The following CDKAL1 variants were observed in gnomAD, a reference collection of about 807,000 sequenced individuals.
The protein encoded by CDKAL1 is CDKAL1 threonylcarbamoyladenosine tRNA methylthiotransferase, also known as threonylcarbamoyladenosine tRNA methylthiotransferase.
CDKAL1 carries 32 observed loss-of-function variants against 68.2 expected under a neutral mutation model. That is an observed-to-expected ratio of 0.47 (90% CI 0.35 to 0.63). The LOEUF (loss-of-function observed/expected upper bound fraction) is 0.63, where lower values mean the gene tolerates loss of function less well. Among genes scored for constraint, CDKAL1 ranks in the 30% least tolerant of loss-of-function variants. The pLI is 0.00. For synonymous variants in CDKAL1, 234 were observed against 244.3 expected, an observed-to-expected ratio of 0.96 and a Z score of 0.39; for missense variants, 606 against 696.7, an observed-to-expected ratio of 0.87 and a Z score of 1.47.
intron 9 of CDKAL1, among the ~76,000 whole-genome samples, chr6:20,917,217 G>A (rs1762760906): frequency 6.6e-6 from 1 of 152,134 alleles, no homozygotes; most frequent in Admixed American, 6.5e-5. Flanking sequence ...CTGACCTCAG[G>A]TGATCCGCCC....
chr6:21,157,567 TA>T (rs1776704457), intron 13 of CDKAL1, among the ~76,000 whole-genome samples: 1 of 152,168 alleles, frequency 6.6e-6, no homozygotes, highest in African/African-American at 2.4e-5. Flanking sequence ...AGTTTTTACT[TA>T]AGTAATATAA....
intron 4 of CDKAL1, among the ~76,000 whole-genome samples, chr6:20,609,506 C>T (rs1446623723): frequency 4.6e-5 from 7 of 151,444 alleles, no homozygotes; most frequent in Non-Finnish European, 1.0e-4. Flanking sequence ...AGTGATTCTC[C>T]TGCCTCAGCC....
chr6:20,769,944 G>C (rs573150006), intron 7 of CDKAL1, among the ~76,000 whole-genome samples: 10 of 152,140 alleles, frequency 6.6e-5, no homozygotes, highest in Admixed American at 2.0e-4. Flanking sequence ...ACGGAAATGA[G>C]AAAGTGAGGC....
intron 4 of CDKAL1, among the ~76,000 whole-genome samples, chr6:20,609,304 C>CTTCTCCTCT (rs1286860342): frequency 8.0e-5 from 12 of 149,672 alleles, no homozygotes; most frequent in Non-Finnish European, 1.5e-4. Context: ...CCTTCTCCTC[C>CTTCTCCTCT]TCCTCCTCCC....
intron 11 of CDKAL1, among the ~76,000 whole-genome samples, chr6:21,030,343 C>T (rs902951302): frequency 1.3e-5 from 2 of 152,002 alleles, no homozygotes; most frequent in Non-Finnish European, 1.5e-5. Flanking sequence ...AGGTAGTGAG[C>T]GGAGGGAGAG....
chr6:21,037,561 A>T (rs190626295), intron 11 of CDKAL1, among the ~76,000 whole-genome samples: 1 of 152,322 alleles, frequency 6.6e-6, no homozygotes, highest in Non-Finnish European at 1.5e-5. Flanking sequence ...TGATGGAAAT[A>T]TTCTATATCT....
intron 15 of CDKAL1, among the ~76,000 whole-genome samples, chr6:21,219,139 G>C (rs552724946): frequency 1.3e-5 from 2 of 152,290 alleles, no homozygotes; most frequent in African/African-American, 2.4e-5. Context: ...GTTCAGTTTA[G>C]TGTAATTATA....
intron 8 of CDKAL1, among the ~76,000 whole-genome samples, chr6:20,810,392 T>TCACACACACACACACACACA (rs59104508): frequency 8.7e-6 from 1 of 115,546 alleles, no homozygotes; most frequent in Non-Finnish European, 1.8e-5. Context: ...TCTCTCTCTG[T>TCACACACACACACACACACA]CACACACACA....
chr6:20,684,721 T>G (rs76547593), intron 5 of CDKAL1, among the ~76,000 whole-genome samples: 15,038 of 152,172 alleles, frequency 0.099, 2,386 homozygotes, highest in African/African-American at 0.34. Flanking sequence ...TGTAAGAGGT[T>G]CGTAGTGGTA....
chr6:20,728,781 C>T lies in CDKAL1; in HGVS notation c.372-10738C>T, dbSNP rs976905685. Among the ~76,000 whole-genome samples, 12 of 152,246 alleles carry T rather than the reference C, an allele frequency of 7.9e-5. No homozygotes were observed. In the South Asian group the frequency reaches 1.0e-3, roughly 13 times the overall value. On this transcript the variant is annotated intron_variant, in intron 5 of 15. Transcript: ENST00000274695. Reference sequence around the variant, plus strand: ...GTCACCTTACCAAGTCACTTAGATTCGCTATATTCTCTATAATAAGAAAGG... The same window carrying T: ...GTCACCTTACCAAGTCACTTAGATTTGCTATATTCTCTATAATAAGAAAGG...
intron 9 of CDKAL1, among the ~76,000 whole-genome samples, chr6:20,927,219 A>G (rs1763228149): frequency 6.6e-6 from 1 of 152,178 alleles, no homozygotes; most frequent in Non-Finnish European, 1.5e-5. Context: ...GGAAGAATAC[A>G]TTAAAATAGC....
chr6:20,911,864 G>C (rs978218365), intron 9 of CDKAL1, among the ~76,000 whole-genome samples: 4 of 152,196 alleles, frequency 2.6e-5, no homozygotes, highest in Admixed American at 1.3e-4. Context: ...TCATGCGCTG[G>C]AAAGGAAGGT....
In CDKAL1 at chr6:20,792,522, A is replaced by G. The variant is rs552504655; in HGVS notation, c.638+11257A>G. Among the ~76,000 whole-genome samples the G allele has an allele frequency of 2.6e-4, 39 of 152,350 alleles. No individual in the cohort carries two copies. In the South Asian group the frequency reaches 8.1e-3, roughly 32 times the overall value. On this transcript the variant is annotated intron_variant, in intron 8 of 15. Coordinates refer to ENST00000274695, the MANE Select transcript of CDKAL1 (RefSeq NM_017774.3). ...TTCTGTTACTGCTCTTGCGGAAAAC[A>G]TAAACTTTCTGAAATGGAATTTTTA...
At chr6:20,584,738 A>T (rs550863245) in intron 4 of CDKAL1, among the ~76,000 whole-genome samples, 5 of 152,334 alleles carry the variant, frequency 3.3e-5, no homozygotes, top group African/African-American at 1.2e-4. Flanking sequence ...CAAACAGCCC[A>T]TTCCTCTGAA....
In CDKAL1 at chr6:21,232,361, G is replaced by T. The variant is rs1780012750; in HGVS notation, c.*1322G>T. ...ATCATTGGTCTTTACTAAGTGAAGT[G>T]ACTTCTTTCTTTAACAATAAATAGA... On this transcript the variant is annotated 3_prime_UTR_variant, in exon 16 of 16. Transcript: ENST00000274695. 1 of 152,154 alleles carries T rather than the reference G, an allele frequency of 6.6e-6. No individual in the cohort carries two copies. The highest frequency in any genetic ancestry group is 2.4e-5 in the African/African-American group (1 of 41,432). The allele number at this position is 152,154 out of a possible 1,614,324, so 9.4% of individuals were successfully genotyped here. A position where few individuals can be genotyped will look rare whatever the true frequency, so the allele number is the denominator to read the frequency against.
chr6:20,573,324 A>G (rs1189243446), intron 4 of CDKAL1, among the ~76,000 whole-genome samples: 1 of 152,186 alleles, frequency 6.6e-6, no homozygotes, highest in East Asian at 1.9e-4. Context: ...AGTTGTATGC[A>G]AATGACAGTT....
intron 4 of CDKAL1, among the ~76,000 whole-genome samples, chr6:20,560,217 A>C (rs1007043646): frequency 6.6e-6 from 1 of 152,228 alleles, no homozygotes; most frequent in Admixed American, 6.5e-5. Flanking sequence ...AGGCGTCATT[A>C]AATTAGTTTA....
intron 13 of CDKAL1, among the ~76,000 whole-genome samples, chr6:21,141,152 C>G (rs1436594333): frequency 1.3e-5 from 2 of 152,202 alleles, no homozygotes; most frequent in Non-Finnish European, 2.9e-5. Flanking sequence ...TATTTCACCA[C>G]TCCCCCCTTG....
intron 13 of CDKAL1, among the ~76,000 whole-genome samples, chr6:21,190,981 AG>A (rs1164582408): frequency 1.3e-5 from 2 of 152,224 alleles, no homozygotes; most frequent in Non-Finnish European, 2.9e-5. Flanking sequence ...TAAAGAGAAG[AG>A]CAACTTTACA....
Sources: gnomAD v4.1 joint callset for allele counts (sites outside exome capture counted in the v4.1 genomes callset) on GRCh38, gnomAD v4.1.1 for gene constraint, MANE v1.5 for transcripts, NCBI Gene and HGNC (gene_info 2026-07-23, HGNC 2026-07-21) for gene names.